The following SPRY4 variants were observed in gnomAD, a reference collection of about 807,000 sequenced individuals.
SPRY4 encodes protein sprouty homolog 4.
A neutral mutation model predicts 17.0 loss-of-function variants in SPRY4; 7 were observed. The observed-to-expected ratio is 0.41, with a 90% CI of 0.23 to 0.77. SPRY4 has a LOEUF of 0.77. Among genes scored for constraint, SPRY4 ranks in the 30% least tolerant of loss-of-function variants. The probability of loss-of-function intolerance (pLI) is 0.32; values close to 1 mark genes in which losing one functional copy is unlikely to be tolerated. For synonymous variants in SPRY4, 183 were observed against 174.1 expected, an observed-to-expected ratio of 1.05 and a Z score of -0.40; for missense variants, 435 against 419.9, an observed-to-expected ratio of 1.04 and a Z score of -0.31.
chr5:142,319,775 A>G, intron 1 of SPRY4: 1 of 1,612,328 alleles, frequency 6.2e-7, no homozygotes, highest in Non-Finnish European at 8.5e-7. Flanking sequence ...TCAGGCTGCA[A>G]ACCGCTCAAT....
chr5:142,314,895 G>A lies in SPRY4; in HGVS notation c.214C>T (p.Pro72Ser). The change falls in exon 2 of 2, where the codon CCA becomes TCA. Residue 72 changes from proline (P) to serine (S), a missense_variant. Transcript: ENST00000434127. The surrounding 1 kb of genome is among the most constrained non-coding windows in gnomAD (Gnocchi z 4.8). Reference protein sequence around the residue: ...TGPKRTRGGAPELAPTPARCD... With the variant: ...TGPKRTRGGASELAPTPARCD... ...CGGGCGGGCGTCGGGGCCAGCTCTG[G>A]GGCCCCGCCCCGGGTCCGCTTTGGG... is the stretch of plus-strand genomic sequence containing the variant. 2 of 1,606,024 alleles carry A rather than the reference G, an allele frequency of 1.2e-6. No individual in the cohort carries two copies. Among genetic ancestry groups the A allele is most frequent in the South Asian group, 2.2e-5 (2 of 90,616 alleles).
rs1199850831 is a variant in SPRY4, at chr5:142,310,894, A to C, written c.*3315T>G. The C allele has an allele frequency of 6.6e-6, 1 of 152,194 alleles. No individual in the cohort carries two copies. The highest frequency in any genetic ancestry group is 1.5e-5 in the Non-Finnish European group (1 of 68,048). 9.4% of individuals were successfully genotyped at this position (152,194 alleles called of 1,614,324 possible). The stretch of plus-strand genomic sequence containing the variant: ...CGCAGGATGCCCTAGTGAATCGTAC[A>C]GTGTAGAGCTGTGCTGCCCACGCCC... On this transcript the variant is annotated 3_prime_UTR_variant, in exon 2 of 2. Transcript: ENST00000434127.
intron 1 of SPRY4, among the ~76,000 whole-genome samples, chr5:142,321,931 G>C (rs1759355287): frequency 6.6e-6 from 1 of 152,222 alleles, no homozygotes; most frequent in Admixed American, 6.5e-5. Context: ...TGGTCCCAAA[G>C]TATTAAATCC....
At chr5:142,320,367 A>AAT (rs1759305677) in intron 1 of SPRY4, among the ~76,000 whole-genome samples, 1 of 150,020 alleles carries the variant, frequency 6.7e-6, no homozygotes, top group Admixed American at 6.6e-5. Context: ...TAAGAAGCTC[A>AAT]CCTCTGGCCA....
chr5:142,314,700 G>A lies in SPRY4; in HGVS notation c.409C>T (p.His137Tyr). Reference protein sequence around the residue: ...RAVRIQPKVVHCQPLDLKGPA... With the variant: ...RAVRIQPKVVYCQPLDLKGPA... Reference sequence around the variant, plus strand: ...CCCTTGAGGTCCAGCGGCTGGCAGTGGACCACCTTGGGCTGGATGCGCACA... The same window carrying A: ...CCCTTGAGGTCCAGCGGCTGGCAGTAGACCACCTTGGGCTGGATGCGCACA... The change falls in exon 2 of 2, where the codon CAC (histidine) becomes TAC (tyrosine). Residue 137 changes from histidine to tyrosine, a missense_variant. Transcript: ENST00000434127. This position sits in a 1 kb window ranked among gnomAD's most constrained non-coding sequence, Gnocchi z 4.8. 6.2e-7 allele frequency: 1 copy of A among 1,614,120 alleles called. No individual in the cohort carries two copies. The highest frequency in any genetic ancestry group is 8.5e-7 in the Non-Finnish European group (1 of 1,179,976).
chr5:142,322,483 A>AAATAT (rs79291595), intron 1 of SPRY4, among the ~76,000 whole-genome samples: 9 of 117,546 alleles, frequency 7.7e-5, no homozygotes, highest in East Asian at 7.4e-4. Context: ...AAAAAAAAAA[A>AAATAT]ATATATATAT....
At chr5:142,321,699 TG>T (rs999097390) in intron 1 of SPRY4, among the ~76,000 whole-genome samples, 2 of 152,210 alleles carry the variant, frequency 1.3e-5, no homozygotes, top group Admixed American at 1.3e-4. Flanking sequence ...ACAAACACTG[TG>T]GATTTAGAAC....
Position 142,315,068 on chromosome 5 carries a change from T to C in SPRY4, c.41A>G (p.Asn14Ser). Residue 14 changes from asparagine to serine, a missense_variant, in exon 2 of 2, where the codon AAC (asparagine) becomes AGC (serine). Coordinates refer to ENST00000434127, the MANE Select transcript of SPRY4 (RefSeq NM_001127496.3). ...AAGAAGGGGCTGGACCATGACTGAG[T>C]TGGGAGTCAAGGGGGCGCTCTGTGG... ...PIPQSAPLTPNSVMVQPLLDS... is the reference protein window; with the variant it reads ...PIPQSAPLTPSSVMVQPLLDS... 1 of 1,613,106 alleles carries C rather than the reference T, an allele frequency of 6.2e-7. No individual in the cohort carries two copies. The highest frequency in any genetic ancestry group is 8.5e-7 in the Non-Finnish European group (1 of 1,179,872).
Position 142,314,260 on chromosome 5 carries a change from GC to G in SPRY4, c.848del (p.Cys283SerfsTer35). 1 of 1,613,180 alleles carries G rather than the reference GC, an allele frequency of 6.2e-7. No homozygotes were observed. The highest frequency in any genetic ancestry group is 1.7e-4 in the Middle Eastern group (1 of 6,052). Reference protein sequence around the residue: ...CRCKHTNSVICKAASGDAKTS... With the variant: ...CRCKHTNSVIXKAASGDAKTS... ...TCTTGGCATCCCCGCTGGCTGCTTT[GC>G]AGATGACGCTGTTCGTGTGCTTGCA... is the stretch of plus-strand genomic sequence containing the variant. On this transcript the variant is annotated frameshift_variant, in exon 2 of 2. Coordinates refer to ENST00000434127, the MANE Select transcript of SPRY4 (RefSeq NM_001127496.3). LOFTEE classifies it high-confidence loss of function. The surrounding 1 kb of genome is among the most constrained non-coding windows in gnomAD (Gnocchi z 4.8).
At chr5:142,319,616 C>A (rs1199946619) in intron 1 of SPRY4, 14 of 1,274,914 alleles carry the variant, frequency 1.1e-5, no homozygotes, top group Non-Finnish European at 1.4e-5. Context: ...GGAGCCAGGG[C>A]ACAGAGAGTC....
chr5:142,317,248 T>C (rs969673524), intron 1 of SPRY4: 1 of 985,310 alleles, frequency 1.0e-6, no homozygotes, highest in Non-Finnish European at 1.2e-6. Context: ...GCCCACTTAT[T>C]CTCAATAGGT....
Position 142,314,133 on chromosome 5 carries a change from A to G in SPRY4, c.*76T>C, listed in dbSNP as rs866175458. 6.8e-7 allele frequency: 1 copy of G among 1,474,630 alleles called. No individual in the cohort carries two copies. The highest frequency in any genetic ancestry group is 1.8e-4 in the Middle Eastern group (1 of 5,588). 91.3% of individuals were successfully genotyped at this position (1,474,630 alleles called of 1,614,324 possible). A position where few individuals can be genotyped will look rare whatever the true frequency, so the allele number is the denominator to read the frequency against. On this transcript the variant is annotated 3_prime_UTR_variant, in exon 2 of 2. Coordinates refer to ENST00000434127, the MANE Select transcript of SPRY4 (RefSeq NM_001127496.3). This position sits in a 1 kb window ranked among gnomAD's most constrained non-coding sequence, Gnocchi z 4.8. ...CAGCCTCAGGAGGCTAAAACCTCTG[A>G]CCTTGCTGCAGTCTTCTTAGATGTC... is the stretch of plus-strand genomic sequence containing the variant.
At chr5:142,324,177 A>C (rs984661802) in intron 1 of SPRY4, 1 of 152,332 alleles carries the variant, frequency 6.6e-6, no homozygotes, top group Admixed American at 6.5e-5. Context: ...GTTGCATAGC[A>C]TAAAATGCGG....
At chr5:142,321,112 T>C (rs990350566) in intron 1 of SPRY4, among the ~76,000 whole-genome samples, 1 of 152,226 alleles carries the variant, frequency 6.6e-6, no homozygotes. Flanking sequence ...TGTCCGGATC[T>C]GCAGGGTGGC....
intron 1 of SPRY4, among the ~76,000 whole-genome samples, chr5:142,319,075 G>C (rs1759257386): frequency 6.6e-6 from 1 of 152,120 alleles, no homozygotes; most frequent in Non-Finnish European, 1.5e-5. Flanking sequence ...GACAGCAGAG[G>C]CTTCAGAGGC....
Position 142,315,067 on chromosome 5 carries a change from G to T in SPRY4, c.42C>A (p.Asn14Lys), listed in dbSNP as rs1409431085. 2 of 1,613,470 alleles carry T rather than the reference G, an allele frequency of 1.2e-6. No homozygotes were observed. ...PIPQSAPLTP[N>K]SVMVQPLLDS... is the part of the protein sequence containing the mutation. ...CAAGAAGGGGCTGGACCATGACTGA[G>T]TTGGGAGTCAAGGGGGCGCTCTGTG... Residue 14 changes from asparagine (N) to lysine (K), a missense_variant, in exon 2 of 2, where the codon AAC becomes AAA. Asn to Lys is a moderately conservative substitution (Grantham distance 94). Coordinates refer to ENST00000434127, the MANE Select transcript of SPRY4 (RefSeq NM_001127496.3).
Position 142,324,916 on chromosome 5 carries a change from C to T in SPRY4, c.-120G>A, listed in dbSNP as rs1759480256. 1 of 152,722 alleles carries T rather than the reference C, an allele frequency of 6.5e-6. No homozygotes were observed. The highest frequency in any genetic ancestry group is 2.1e-4 in the South Asian group (1 of 4,836). The allele number at this position is 152,722 out of a possible 1,614,324, so 9.5% of individuals were successfully genotyped here. On this transcript the variant is annotated 5_prime_UTR_variant, in exon 1 of 2. Transcript: ENST00000434127. ...CCTGAAGCCGGGGCAGGTTAGCCGC[C>T]GCTGTACTCGCAGACGCCGGTCGGA...
Position 142,312,909 on chromosome 5 carries a change from C to T in SPRY4, c.*1300G>A, listed in dbSNP as rs1758975178. ...AAAAACCTTTCCCCTACCCTCTCCC[C>T]AGCTCTTCCAAGCTCTTCCGACTCC... On this transcript the variant is annotated 3_prime_UTR_variant, in exon 2 of 2. Transcript: ENST00000434127. 6.6e-6 allele frequency: 1 copy of T among 152,632 alleles called. No individual in the cohort carries two copies. Among genetic ancestry groups the T allele is most frequent in the Non-Finnish European group, 1.5e-5 (1 of 68,046 alleles). 9.5% of individuals were successfully genotyped at this position (152,632 alleles called of 1,614,324 possible). A position where few individuals can be genotyped will look rare whatever the true frequency, so the allele number is the denominator to read the frequency against.
rs1335908837 is a variant in SPRY4 at position 142,312,511 on chromosome 5, A to C, written c.*1698T>G. The stretch of plus-strand genomic sequence containing the variant: ...CCTTGAGAAGCATTAGGTGCCTATC[A>C]TAGCTACCTACCTCGCTGCCTCCTT... On this transcript the variant is annotated 3_prime_UTR_variant, in exon 2 of 2. Coordinates refer to ENST00000434127, the MANE Select transcript of SPRY4 (RefSeq NM_001127496.3). 6.6e-6 allele frequency: 1 copy of C among 152,230 alleles called. No individual in the cohort carries two copies. Among genetic ancestry groups the C allele is most frequent in the African/African-American group, 2.4e-5 (1 of 41,470 alleles). 9.4% of individuals were successfully genotyped at this position (152,230 alleles called of 1,614,324 possible). A position where few individuals can be genotyped will look rare whatever the true frequency, so the allele number is the denominator to read the frequency against.
Sources: gnomAD v4.1 joint callset for allele counts (sites outside exome capture counted in the v4.1 genomes callset) on GRCh38, gnomAD v4.1.1 for gene constraint, Gnocchi (gnomAD v3.1) non-coding constraint, MANE v1.5 for transcripts, NCBI Gene and HGNC (gene_info 2026-07-23, HGNC 2026-07-21) for gene names.